The following ADAM10 variants were observed in gnomAD, a reference collection of about 807,000 sequenced individuals.
ADAM10 encodes disintegrin and metalloproteinase domain-containing protein 10.
In ADAM10, 17 loss-of-function variants were observed where a neutral mutation model predicts 90.1. The observed-to-expected ratio is 0.19, with a 90% CI of 0.13 to 0.28. ADAM10 has a LOEUF of 0.28. Among genes scored for constraint, ADAM10 ranks in the 10% least tolerant of loss-of-function variants. The probability of loss-of-function intolerance (pLI) is 1.00; values close to 1 mark genes in which losing one functional copy is unlikely to be tolerated. For missense variants in ADAM10, 610 were observed against 914.3 expected (o/e 0.67, Z 4.29); for synonymous variants, 310 against 298.6 (o/e 1.04, Z -0.40).
chr15:58,734,523 A>G (rs1345964482), intron 1 of ADAM10, among the ~76,000 whole-genome samples: 1 of 152,158 alleles, frequency 6.6e-6, no homozygotes, highest in African/African-American at 2.4e-5. Context: ...AAGATGGCAA[A>G]ACGCCATCTC....
chr15:58,725,887 A>T (rs940968772), intron 1 of ADAM10, among the ~76,000 whole-genome samples: 25 of 152,322 alleles, frequency 1.6e-4, no homozygotes, highest in African/African-American at 5.8e-4. Flanking sequence ...TTCAAAGCTT[A>T]CAATGCATCA....
intron 2 of ADAM10, among the ~76,000 whole-genome samples, chr15:58,707,780 G>GTA (rs1383675309): frequency 6.6e-6 from 1 of 152,120 alleles, no homozygotes; most frequent in Non-Finnish European, 1.5e-5. Context: ...AAACTACTAT[G>GTA]TATAAAACAT....
chr15:58,597,359 C>A lies in ADAM10; in HGVS notation c.*188G>T. The A allele has an allele frequency of 6.5e-7, 1 of 1,541,068 alleles. No individual in the cohort carries two copies. Among genetic ancestry groups the A allele is most frequent in the Non-Finnish European group, 8.7e-7 (1 of 1,143,000 alleles). The stretch of plus-strand genomic sequence containing the variant: ...TGGGTTCCTTTTCCACCTCCCACCC[C>A]CAAATTGGAATTTTCAGGCTTTAAA... On this transcript the variant is annotated 3_prime_UTR_variant, in exon 16 of 16. Transcript: ENST00000260408.
intron 5 of ADAM10, among the ~76,000 whole-genome samples, chr15:58,658,587 G>A (rs1896888817): frequency 6.6e-6 from 1 of 151,906 alleles, no homozygotes; most frequent in Non-Finnish European, 1.5e-5. Flanking sequence ...AACAATTTGG[G>A]GAGAACTGAC....
Position 58,593,337 on chromosome 15 carries a change from GAGT to G in ADAM10, c.*4207_*4209del, listed in dbSNP as rs1894872408. ...AGCAAATCTCCTGCCTCTGCCTCCC[GAGT>G]AGCTGGGATTACAAGCATGTGCCAC... is the stretch of plus-strand genomic sequence containing the variant. On this transcript the variant is annotated 3_prime_UTR_variant, in exon 16 of 16. Transcript: ENST00000260408. 1.3e-5 allele frequency: 2 copies of G among 151,806 alleles called. No individual in the cohort carries two copies. The highest frequency in any genetic ancestry group is 4.8e-5 in the African/African-American group (2 of 41,260). 9.4% of individuals were successfully genotyped at this position (151,806 alleles called of 1,614,324 possible). A position where few individuals can be genotyped will look rare whatever the true frequency, so the allele number is the denominator to read the frequency against.
intron 5 of ADAM10, 37 bp from the exon 6 acceptor site, chr15:58,646,241 C>T (rs1335853097): frequency 6.3e-7 from 1 of 1,577,894 alleles, no homozygotes; most frequent in Admixed American, 1.7e-5. Flanking sequence ...AATTAGTATG[C>T]TTCAATACTA....
intron 3 of ADAM10, among the ~76,000 whole-genome samples, chr15:58,680,166 G>A (rs1301122432): frequency 5.3e-5 from 8 of 151,948 alleles, no homozygotes; most frequent in South Asian, 2.1e-4. Flanking sequence ...TCTGTCACCC[G>A]GGCTGGAGTG....
chr15:58,687,823 C>T (rs921903451), intron 2 of ADAM10, among the ~76,000 whole-genome samples: 2 of 152,080 alleles, frequency 1.3e-5, no homozygotes, highest in Non-Finnish European at 2.9e-5. Context: ...TTGCATAATA[C>T]GATTCATGCG....
chr15:58,744,149 A>G (rs1484667143), intron 1 of ADAM10, among the ~76,000 whole-genome samples: 1 of 151,832 alleles, frequency 6.6e-6, no homozygotes, highest in Non-Finnish European at 1.5e-5. Flanking sequence ...AGCAAAACAC[A>G]TTAGTACCAC....
At chr15:58,613,595 A>C (rs1342231139) in intron 11 of ADAM10, among the ~76,000 whole-genome samples, 3 of 152,204 alleles carry the variant, frequency 2.0e-5, no homozygotes, top group African/African-American at 7.2e-5. Flanking sequence ...TCAAAAAAGT[A>C]ATAAATATCA....
intron 10 of ADAM10, among the ~76,000 whole-genome samples, chr15:58,624,248 T>C (rs1400603237): frequency 6.6e-6 from 1 of 151,584 alleles, no homozygotes; most frequent in Non-Finnish European, 1.5e-5. Flanking sequence ...ATCGTGCCAC[T>C]GCACTCCAGC....
At chr15:58,694,160 A>G (rs1897907582) in intron 2 of ADAM10, among the ~76,000 whole-genome samples, 1 of 152,176 alleles carries the variant, frequency 6.6e-6, no homozygotes, top group African/African-American at 2.4e-5. Flanking sequence ...TCAAACATAT[A>G]AAAACCAGGC....
chr15:58,596,184 C>A lies in ADAM10; in HGVS notation c.*1363G>T, dbSNP rs1260510627. On this transcript the variant is annotated 3_prime_UTR_variant, in exon 16 of 16. Transcript: ENST00000260408. ...TGAAGTCAGGAAAATCATAGCTTTA[C>A]TTCTAGTTGAAGTGATGTAGTTGGA... The A allele has an allele frequency of 1.3e-5, 2 of 151,706 alleles. No individual in the cohort carries two copies. The highest frequency in any genetic ancestry group is 2.4e-5 in the African/African-American group (1 of 41,324). The allele number at this position is 151,706 out of a possible 1,614,324, so 9.4% of individuals were successfully genotyped here.
chr15:58,675,431 T>C (rs1897287243), intron 4 of ADAM10, among the ~76,000 whole-genome samples: 1 of 152,212 alleles, frequency 6.6e-6, no homozygotes, highest in Non-Finnish European at 1.5e-5. Context: ...CAAGCAGTCA[T>C]ATAGTCAGAT....
rs1392056721 is a variant in ADAM10 at position 58,611,058 on chromosome 15, C to T, written c.1745G>A (p.Cys582Tyr). 6.2e-7 allele frequency: 1 copy of T among 1,613,856 alleles called. No homozygotes were observed. Among genetic ancestry groups the T allele is most frequent in the Non-Finnish European group, 8.5e-7 (1 of 1,179,926 alleles). ...ATCATCTTTGCCATCAGAACTGGCACACGTACACTCCTCTAAGCCATATTT... is the reference window on the plus strand; with the variant it reads ...ATCATCTTTGCCATCAGAACTGGCATACGTACACTCCTCTAAGCCATATTT... The part of the protein sequence containing the change: ...CEKYGLEECT[C>Y]ASSDGKDDKE... Residue 582 changes from cysteine to tyrosine, a missense_variant, in exon 13 of 16, where the codon TGT (cysteine) becomes TAT (tyrosine). Physicochemically the swap from Cys to Tyr is radical, Grantham distance 194. This residue lies in a region of ADAM10 where 150 missense variants were observed against 268.5 expected (regional missense o/e 0.56). Coordinates refer to ENST00000260408, the MANE Select transcript of ADAM10 (RefSeq NM_001110.4).
At chr15:58,623,148 G>C (rs537192522) in intron 10 of ADAM10, among the ~76,000 whole-genome samples, 1 of 152,296 alleles carries the variant, frequency 6.6e-6, no homozygotes, top group East Asian at 1.9e-4. Context: ...GTTCTAGAAA[G>C]ACTGGCTTTA....
At chr15:58,684,178 C>G (rs771868966) in intron 2 of ADAM10, among the ~76,000 whole-genome samples, 1 of 152,080 alleles carries the variant, frequency 6.6e-6, no homozygotes, top group African/African-American at 2.4e-5. Context: ...ACAGATGCAA[C>G]CATGCGAATT....
At chr15:58,647,619 G>A (rs572921256) in intron 5 of ADAM10, among the ~76,000 whole-genome samples, 2 of 152,102 alleles carry the variant, frequency 1.3e-5, no homozygotes, top group Admixed American at 6.6e-5. Context: ...CATGATCACA[G>A]CTCAATGCAG....
intron 1 of ADAM10, among the ~76,000 whole-genome samples, chr15:58,718,860 C>A (rs1245428067): frequency 1.3e-5 from 2 of 152,158 alleles, no homozygotes; most frequent in African/African-American, 4.8e-5. Flanking sequence ...TCTCCCCTGA[C>A]CCTCAGCTTC....
Sources: allele counts gnomAD v4.1 joint callset (sites outside exome capture counted in the v4.1 genomes callset), GRCh38; gene constraint gnomAD v4.1.1; regional missense constraint gnomAD v4.1.1; transcripts MANE v1.5; gene names NCBI Gene and HGNC (gene_info 2026-07-23, HGNC 2026-07-21).